Variants in FARS2 observed in about 807,000 individuals in gnomAD.
FARS2 encodes phenylalanine--tRNA ligase, mitochondrial.
In FARS2, 40 loss-of-function variants were observed where a neutral mutation model predicts 46.4. The observed-to-expected ratio is 0.86, with a 90% CI of 0.67 to 1.12. FARS2 has a LOEUF of 1.12. Among genes scored for constraint, FARS2 ranks in the 50% most tolerant of loss-of-function variants. The pLI, the probability that FARS2 is intolerant of heterozygous loss-of-function variation, is 0.00. For missense variants in FARS2, 513 were observed against 567.9 expected (o/e 0.90, Z 0.98); for synonymous variants, 234 against 214.9 (o/e 1.09, Z -0.78).
At chr6:5,596,560 C>G (rs1003475680) in intron 5 of FARS2, among the ~76,000 whole-genome samples, 5 of 152,156 alleles carry the variant, frequency 3.3e-5, no homozygotes, top group African/African-American at 9.7e-5. Context: ...GGAATTTTAG[C>G]TCTTAATTGA....
chr6:5,616,802 T>A (rs918800505), intron 6 of FARS2, among the ~76,000 whole-genome samples: 1 of 152,162 alleles, frequency 6.6e-6, no homozygotes, highest in African/African-American at 2.4e-5. Context: ...GTCCCTTACT[T>A]TCTGATATGG....
chr6:5,536,510 A>T (rs905746170), intron 4 of FARS2, among the ~76,000 whole-genome samples: 4 of 152,212 alleles, frequency 2.6e-5, no homozygotes, highest in Non-Finnish European at 5.9e-5. Context: ...GCAGAACCCT[A>T]TAAGGAGGTC....
In FARS2 at chr6:5,554,380, A is replaced by G. The variant is rs556240380; in HGVS notation, c.1065+9040A>G. Reference sequence around the variant, plus strand: ...ATCAGCAGGAGGGACAGTTACTATCAAAGAGTCTTGTATCAATTAGGTCAT... The same window carrying G: ...ATCAGCAGGAGGGACAGTTACTATCGAAGAGTCTTGTATCAATTAGGTCAT... On this transcript the variant is annotated intron_variant, in intron 5 of 6. Coordinates refer to ENST00000274680, the MANE Select transcript of FARS2 (RefSeq NM_006567.5). Among the ~76,000 whole-genome samples the G allele has an allele frequency of 7.2e-5, 11 of 152,212 alleles. No homozygotes were observed. Among genetic ancestry groups the G allele is most frequent in the Non-Finnish European group, 1.6e-4 (11 of 68,032 alleles).
chr6:5,363,479 C>T (rs1353097320), intron 1 of FARS2, among the ~76,000 whole-genome samples: 4 of 151,916 alleles, frequency 2.6e-5, no homozygotes, highest in East Asian at 3.9e-4. Context: ...CTCTTCTTCC[C>T]GCGTCTTCCA....
At position 5,765,272 on chromosome 6, in the gene FARS2, A is replaced by C. The variant is rs531311737; in HGVS notation, c.1218-6019A>C. Among the ~76,000 whole-genome samples, 6 of 152,360 alleles carry C rather than the reference A, an allele frequency of 3.9e-5. No individual in the cohort carries two copies. The highest frequency in any genetic ancestry group is 1.4e-4 in the African/African-American group (6 of 41,572). On this transcript the variant is annotated intron_variant, in intron 6 of 6. Transcript: ENST00000274680. This position sits in a 1 kb window ranked among gnomAD's most constrained non-coding sequence, Gnocchi z 4.0. ...GTACAGGATGGTAAAGTTAGGTGGC[A>C]TTCACACTGGAGCAGGGACCAGGAT...
intron 6 of FARS2, among the ~76,000 whole-genome samples, chr6:5,639,527 A>G (rs887897871): frequency 6.6e-6 from 1 of 152,180 alleles, no homozygotes; most frequent in Non-Finnish European, 1.5e-5. Flanking sequence ...TCTCTTGCTT[A>G]AGTAGAGGGG....
the FARS2 span, among the ~76,000 whole-genome samples, chr6:5,250,139 T>G: frequency 6.6e-6 from 1 of 152,162 alleles, no homozygotes; most frequent in African/African-American, 2.4e-5. Flanking sequence ...ATTCTCTATC[T>G]TTATTTTCTC....
At chr6:5,473,777 A>G (rs1765952320) in intron 4 of FARS2, among the ~76,000 whole-genome samples, 1 of 152,210 alleles carries the variant, frequency 6.6e-6, no homozygotes, top group Non-Finnish European at 1.5e-5. Context: ...CCAGGCATAT[A>G]AGGATAGATT....
chr6:5,438,828 G>T (rs2127783072), intron 4 of FARS2, among the ~76,000 whole-genome samples: 1 of 152,282 alleles, frequency 6.6e-6, no homozygotes, highest in Non-Finnish European at 1.5e-5. Flanking sequence ...TTCATATTTT[G>T]GAGCATTTTG....
chr6:5,537,591 G>A (rs927638206), intron 4 of FARS2, among the ~76,000 whole-genome samples: 3 of 140,384 alleles, frequency 2.1e-5, no homozygotes, highest in South Asian at 2.2e-4. Context: ...GAGATGTCCC[G>A]GGCTTCCTCT....
intron 3 of FARS2, among the ~76,000 whole-genome samples, chr6:5,417,241 G>A (rs772669392): frequency 1.3e-5 from 2 of 152,064 alleles, no homozygotes; most frequent in Non-Finnish European, 2.9e-5. Flanking sequence ...TTTTGAGATA[G>A]GGTCTTGCTC....
At chr6:5,547,193 C>T (rs1490020093) in intron 5 of FARS2, among the ~76,000 whole-genome samples, 20 of 151,998 alleles carry the variant, frequency 1.3e-4, no homozygotes, top group Non-Finnish European at 2.4e-4. Context: ...CTCAGGTGAT[C>T]TGCCCATCTT....
At chr6:5,571,686 C>A (rs1327248208) in intron 5 of FARS2, among the ~76,000 whole-genome samples, 3 of 152,210 alleles carry the variant, frequency 2.0e-5, no homozygotes, top group Non-Finnish European at 2.9e-5. Flanking sequence ...CTTCTGTGAA[C>A]TAGGAAAAAA....
intron 6 of FARS2, among the ~76,000 whole-genome samples, chr6:5,703,741 CA>C (rs1299507151): frequency 1.3e-5 from 2 of 152,182 alleles, no homozygotes; most frequent in African/African-American, 4.8e-5. Context: ...AAGGTGGACA[CA>C]GGGGCTTTTC....
At chr6:5,303,508 T>TGTC (rs1768472366) in intron 1 of FARS2, among the ~76,000 whole-genome samples, 1 of 152,060 alleles carries the variant, frequency 6.6e-6, no homozygotes, top group East Asian at 1.9e-4. Flanking sequence ...TTCATCCTTG[T>TGTC]GTCAGCTCGG....
intron 6 of FARS2, among the ~76,000 whole-genome samples, chr6:5,682,473 GTTA>G (rs1779083548): frequency 6.6e-6 from 1 of 152,214 alleles, no homozygotes; most frequent in Non-Finnish European, 1.5e-5. Context: ...TTGCAAAGAT[GTTA>G]TTATGGGCAG....
chr6:5,390,405 G>C (rs148755752), intron 2 of FARS2, among the ~76,000 whole-genome samples: 3 of 152,292 alleles, frequency 2.0e-5, no homozygotes, highest in African/African-American at 7.2e-5. Flanking sequence ...CAGCACCCTT[G>C]ATGGATCCTG....
intron 5 of FARS2, among the ~76,000 whole-genome samples, chr6:5,548,773 T>C (rs554059813): frequency 3.9e-5 from 6 of 152,350 alleles, no homozygotes; most frequent in African/African-American, 1.2e-4. Flanking sequence ...TCATTTTTTT[T>C]CTCCTTTCTG....
At chr6:5,611,971 G>T (rs1325344107) in intron 5 of FARS2, among the ~76,000 whole-genome samples, 1 of 152,160 alleles carries the variant, frequency 6.6e-6, no homozygotes, top group Non-Finnish European at 1.5e-5. Context: ...AAAACAACCT[G>T]TGTAACCACC....
Sources: allele counts gnomAD v4.1 joint callset (sites outside exome capture counted in the v4.1 genomes callset), GRCh38; gene constraint gnomAD v4.1.1; non-coding constraint Gnocchi (gnomAD v3.1); transcripts MANE v1.5; gene names NCBI Gene and HGNC (gene_info 2026-07-23, HGNC 2026-07-21).